LTBR: variants seen among roughly 807,000 people sequenced by gnomAD.
LTBR encodes the protein lymphotoxin beta receptor, also known as tumor necrosis factor receptor superfamily member 3.
Under a neutral mutation model 45.4 loss-of-function variants are expected in LTBR, and 15 were observed. That is an observed-to-expected ratio of 0.33 (90% confidence interval 0.22 to 0.51). The LOEUF is 0.51. LTBR is among the 20% of genes least tolerant of loss of function. The probability of loss-of-function intolerance (pLI) is 0.97; values close to 1 mark genes in which losing one functional copy is unlikely to be tolerated. For synonymous variants in LTBR, 228 were observed against 231.0 expected (o/e 0.99, Z 0.12); for missense variants, 450 against 565.5 (o/e 0.80, Z 2.07).
intron 1 of LTBR, chr12:6,377,463 C>T (rs1425632747): frequency 6.1e-6 from 4 of 657,532 alleles, no homozygotes; most frequent in South Asian, 1.8e-5. Flanking sequence ...GAGACAGACT[C>T]ATGGGGGATC....
intron 1 of LTBR, among the ~76,000 whole-genome samples, chr12:6,376,495 T>C (rs3759324): frequency 0.38 from 58,327 of 152,030 alleles, 13,683 homozygotes; most frequent in African/African-American, 0.64. Context: ...GCACTGAAGG[T>C]GCAGGGAGGA....
chr12:6,385,703 G>A lies in LTBR; in HGVS notation c.472+324G>A, dbSNP rs149902013. The A allele has an allele frequency of 6.1e-3, 2,377 of 389,198 alleles. 142 individuals are homozygous for A. In the East Asian group the frequency reaches 0.11, roughly 18 times the overall value. 24.1% of individuals were successfully genotyped at this position (389,198 alleles called of 1,614,324 possible). A position where few individuals can be genotyped will look rare whatever the true frequency, so the allele number is the denominator to read the frequency against. On this transcript the variant is annotated intron_variant, in intron 4 of 9. Coordinates refer to ENST00000228918, the MANE Select transcript of LTBR (RefSeq NM_002342.3). ...GGGCGGATCACGAGGTCAGGAGATC[G>A]AGACCATCCTGGCTAACACAGTGAA... is the stretch of plus-strand genomic sequence containing the variant.
upstream of LTBR, among the ~76,000 whole-genome samples, chr12:6,380,855 T>C (rs74059241): frequency 0.02 from 3,022 of 151,886 alleles, 116 homozygotes; most frequent in African/African-American, 0.07. Flanking sequence ...CGTCCTGGGG[T>C]GCTCGGTCTG....
intron 1 of LTBR, chr12:6,375,928 A>C: frequency 9.5e-7 from 1 of 1,055,874 alleles, no homozygotes; most frequent in East Asian, 7.5e-5. Flanking sequence ...GGACAGAGAG[A>C]TAGGGATGGA....
In LTBR at chr12:6,391,182, G is replaced by T; in HGVS notation, c.*245G>T. The T allele has an allele frequency of 2.5e-6, 1 of 400,982 alleles. No homozygotes were observed. The highest frequency in any genetic ancestry group is 4.4e-6 in the Non-Finnish European group (1 of 227,336). The allele number at this position is 400,982 out of a possible 1,614,324, so 24.8% of individuals were successfully genotyped here. On this transcript the variant is annotated 3_prime_UTR_variant, in exon 10 of 10. Transcript: ENST00000228918. The stretch of plus-strand genomic sequence containing the variant: ...GCAGACCCACCCACCCCCTGGGGCT[G>T]CTCAGCCTCAGGCACGGACAGGGCA...
At chr12:6,384,497 G>A in intron 1 of LTBR, 43 bp downstream of exon 1, 1 of 1,590,522 alleles carries the variant, frequency 6.3e-7, no homozygotes, top group Non-Finnish European at 8.6e-7. Flanking sequence ...GTGGGCAAGA[G>A]GGATCTGGGC....
At position 6,376,144 on chromosome 12, in the gene LTBR, G is replaced by A. The variant is rs1006233559; in HGVS notation, c.39+550G>A. 7 of 986,066 alleles carry A rather than the reference G, an allele frequency of 7.1e-6. No homozygotes were observed. In the Admixed American group the frequency reaches 1.8e-4, roughly 26 times the overall value. The allele number at this position is 986,066 out of a possible 1,614,324, so 61.1% of individuals were successfully genotyped here. A position where few individuals can be genotyped will look rare whatever the true frequency, so the allele number is the denominator to read the frequency against. ...ACCCTCAGGCCCTGCAGAGAAGAGAGAAGAGGTCTCTGCAGGTCTCCTCCC... is the reference window on the plus strand; with the variant it reads ...ACCCTCAGGCCCTGCAGAGAAGAGAAAAGAGGTCTCTGCAGGTCTCCTCCC... On this transcript the variant is annotated intron_variant, in intron 1 of 9. Transcript: ENST00000539925.
At chr12:6,382,561 T>C (rs896609643), upstream of LTBR, among the ~76,000 whole-genome samples, 2 of 152,168 alleles carry the variant, frequency 1.3e-5, no homozygotes, top group African/African-American at 4.8e-5. Flanking sequence ...CCCCGCGCAG[T>C]GCATGCTGTT....
rs1949051905 is a variant in LTBR at position 6,386,552 on chromosome 12, G to C, written c.667+108G>C. ...AGATGAACACTTCCCTCCCAGAATT[G>C]GGCAAGAAGAAAGTTCCTTACAGAA... On this transcript the variant is annotated intron_variant, in intron 6 of 9. Transcript: ENST00000228918. The surrounding 1 kb of genome is among the most constrained non-coding windows in gnomAD (Gnocchi z 4.1). 2.3e-6 allele frequency: 2 copies of C among 852,774 alleles called. No individual in the cohort carries two copies. The highest frequency in any genetic ancestry group is 4.9e-5 in the Admixed American group (2 of 40,972). The allele number at this position is 852,774 out of a possible 1,614,324, so 52.8% of individuals were successfully genotyped here.
upstream of LTBR, among the ~76,000 whole-genome samples, chr12:6,383,113 G>A (rs1210609918): frequency 6.6e-6 from 1 of 152,206 alleles, no homozygotes; most frequent in Non-Finnish European, 1.5e-5. Flanking sequence ...AAACAAGACA[G>A]CCAGGTACAG....
Position 6,377,155 on chromosome 12 carries a change from C to T in LTBR, c.39+1561C>T, listed in dbSNP as rs566385455. 1.9e-5 allele frequency: 19 copies of T among 1,014,248 alleles called. No individual in the cohort carries two copies. In the African/African-American group the frequency reaches 2.9e-4, roughly 16 times the overall value. 62.8% of individuals were successfully genotyped at this position (1,014,248 alleles called of 1,614,324 possible). A position where few individuals can be genotyped will look rare whatever the true frequency, so the allele number is the denominator to read the frequency against. ...GCAGTACTCCAGGCTCAGGGTCCAACCTGGTCTGTGGCTTCCTCTCTTGCG... is the reference window on the plus strand; with the variant it reads ...GCAGTACTCCAGGCTCAGGGTCCAATCTGGTCTGTGGCTTCCTCTCTTGCG... On this transcript the variant is annotated intron_variant, in intron 1 of 9. Transcript: ENST00000539925.
upstream of LTBR, among the ~76,000 whole-genome samples, chr12:6,382,569 G>A (rs1404531875): frequency 2.0e-5 from 3 of 152,258 alleles, no homozygotes; most frequent in Non-Finnish European, 4.4e-5. Context: ...AGTGCATGCT[G>A]TTCTGATACT....
At chr12:6,384,981 G>T (rs751825363) in intron 2 of LTBR, 41 bp from the exon 3 acceptor site, 1 of 1,612,928 alleles carries the variant, frequency 6.2e-7, no homozygotes, top group East Asian at 2.2e-5. Flanking sequence ...TGAGGGTGGA[G>T]CCTCGTCTCC....
intron 8 of LTBR, chr12:6,389,802 C>CA (rs71067110): frequency 0.04 from 4,121 of 104,080 alleles, 126 homozygotes; most frequent in African/African-American, 0.096. Flanking sequence ...GACTCTGTCT[C>CA]AAAAAAAAAA....
In LTBR at chr12:6,385,245, T is replaced by A. The variant is rs1382669636; in HGVS notation, c.338T>A (p.Ile113Asn). 1.9e-6 allele frequency: 3 copies of A among 1,613,878 alleles called. No individual in the cohort carries two copies. The highest frequency in any genetic ancestry group is 2.5e-6 in the Non-Finnish European group (3 of 1,180,018). The stretch of plus-strand genomic sequence containing the variant: ...CCGCCAGTGATGGGCCTCGAGGAGA[T>A]TGCCCCCTGCACAAGCAAACGGAAG... The part of the protein sequence containing the change: ...PCDPVMGLEE[I>N]APCTSKRKTQ... Residue 113 changes from isoleucine (I) to asparagine (N), a missense_variant, in exon 4 of 10, where the codon ATT (isoleucine) becomes AAT (asparagine). This residue lies in a region of LTBR where 367 missense variants were observed against 435.4 expected (regional missense o/e 0.84). Transcript: ENST00000228918.
At chr12:6,384,544 C>G in intron 1 of LTBR, 44 bp from the exon 2 acceptor site, 1 of 1,610,050 alleles carries the variant, frequency 6.2e-7, no homozygotes, top group Non-Finnish European at 8.5e-7. Flanking sequence ...CCCAAGCTGA[C>G]CCCTGACTAA....
chr12:6,385,471 G>A lies in LTBR; in HGVS notation c.472+92G>A, dbSNP rs1949029302. ...GGGAATATGGTACTGTGTCCACGGC[G>A]ACCCCCCAGATCCTTGGCTTAAAAT... On this transcript the variant is annotated intron_variant, in intron 4 of 9. Transcript: ENST00000228918. 4 of 1,447,910 alleles carry A rather than the reference G, an allele frequency of 2.8e-6. No homozygotes were observed. The South Asian group carries it at 3.8e-5, about 14-fold the overall frequency. The allele number at this position is 1,447,910 out of a possible 1,614,324, so 89.7% of individuals were successfully genotyped here.
upstream of LTBR, chr12:6,383,910 C>A: frequency 1.7e-6 from 1 of 582,214 alleles, no homozygotes; most frequent in Non-Finnish European, 2.2e-6. Flanking sequence ...CGAGGCTTGT[C>A]CAAGGGCTGA....
At chr12:6,378,220 T>C (rs1948940225) in intron 1 of LTBR, among the ~76,000 whole-genome samples, 1 of 95,328 alleles carries the variant, frequency 1.0e-5, no homozygotes, top group South Asian at 3.6e-4. Context: ...AAAAACAAAA[T>C]ATATAGTTCT....
Sources: allele counts gnomAD v4.1 joint callset (sites outside exome capture counted in the v4.1 genomes callset), GRCh38; gene constraint gnomAD v4.1.1; regional missense constraint gnomAD v4.1.1; non-coding constraint Gnocchi (gnomAD v3.1); transcripts MANE v1.5; gene names NCBI Gene and HGNC (gene_info 2026-07-23, HGNC 2026-07-21).